The following CHERP variants were observed in gnomAD, a reference collection of about 807,000 sequenced individuals.
CHERP encodes the protein ERPROT 213-21.
CHERP carries 8 observed loss-of-function variants against 113.8 expected under a neutral mutation model. The ratio of observed to expected loss-of-function variants is 0.07; its 90% CI spans 0.04 to 0.13. The LOEUF is 0.13. Ranked by LOEUF, CHERP falls within the 10% of genes least tolerant of loss-of-function variation. The probability of loss-of-function intolerance (pLI) is 1.00; values close to 1 mark genes in which losing one functional copy is unlikely to be tolerated. For synonymous variants in CHERP, 559 were observed against 524.5 expected (o/e 1.07, Z -0.90); for missense variants, 884 against 1,298.2 (o/e 0.68, Z 4.90).
At position 16,525,848 on chromosome 19, in the gene CHERP, C is replaced by G. The variant is rs1165438873; in HGVS notation, c.1306-171G>C. Among the ~76,000 whole-genome samples, 1 of 152,002 alleles carries G rather than the reference C, an allele frequency of 6.6e-6. No homozygotes were observed. On this transcript the variant is annotated intron_variant, in intron 9 of 16. Coordinates refer to ENST00000546361, the MANE Select transcript of CHERP (RefSeq NM_006387.6). The surrounding 1 kb of genome is among the most constrained non-coding windows in gnomAD (Gnocchi z 6.5). ...TGCGAGGATGCTGGGCACCTGCTCT[C>G]AGCCCGCACCACATGCTGCTGCAAA...
chr19:16,519,303 G>A lies in CHERP; in HGVS notation c.2607C>T (p.Asp869=), dbSNP rs550333603. 6.2e-7 allele frequency: 1 copy of A among 1,613,844 alleles called. No homozygotes were observed. Among genetic ancestry groups the A allele is most frequent in the Non-Finnish European group, 8.5e-7 (1 of 1,180,008 alleles). ...GLGAKEQGIQ[D]PIKGGDVRDK... is the part of the protein sequence containing the mutation. ...CCCGGACGTCCCCGCCCTTGATGGG[G>A]TCCTGGATCCCTTGCTCCTTCGCAC... The change falls in exon 17 of 17, where the codon GAC becomes GAT. Residue 869 remains aspartate (D), a synonymous_variant. Coordinates refer to ENST00000546361, the MANE Select transcript of CHERP (RefSeq NM_006387.6). This position sits in a 1 kb window ranked among gnomAD's most constrained non-coding sequence, Gnocchi z 6.0.
intron 2 of CHERP, among the ~76,000 whole-genome samples, chr19:16,540,222 C>A (rs560438966): frequency 2.6e-5 from 4 of 151,738 alleles, no homozygotes; most frequent in Non-Finnish European, 4.4e-5. Flanking sequence ...CACCACCATG[C>A]CTGGCTAATT....
chr19:16,525,098 C>G lies in CHERP; in HGVS notation c.1741+144G>C. 1.3e-6 allele frequency: 1 copy of G among 768,708 alleles called. No individual in the cohort carries two copies. Among genetic ancestry groups the G allele is most frequent in the Non-Finnish European group, 1.8e-6 (1 of 550,756 alleles). The allele number at this position is 768,708 out of a possible 1,614,324, so 47.6% of individuals were successfully genotyped here. On this transcript the variant is annotated intron_variant, in intron 10 of 16. Coordinates refer to ENST00000546361, the MANE Select transcript of CHERP (RefSeq NM_006387.6). This position sits in a 1 kb window ranked among gnomAD's most constrained non-coding sequence, Gnocchi z 6.5. ...GCCCCCACTTCCTGAGAACCCAGGCCGGGCTCCTCGGACGTCCCATGACCC... is the reference window on the plus strand; with the variant it reads ...GCCCCCACTTCCTGAGAACCCAGGCGGGGCTCCTCGGACGTCCCATGACCC...
rs1280781098 is a variant in CHERP at position 16,525,627 on chromosome 19, G to A, written c.1356C>T (p.Cys452=). The change falls in exon 10 of 17, where the codon TGC becomes TGT. Residue 452 remains cysteine (C), a synonymous_variant. Coordinates refer to ENST00000546361, the MANE Select transcript of CHERP (RefSeq NM_006387.6). The surrounding 1 kb of genome is among the most constrained non-coding windows in gnomAD (Gnocchi z 6.5). ...YPHHQGGPPH[C]PPWNNSHEGM... is the part of the protein sequence containing the mutation. The stretch of plus-strand genomic sequence containing the variant: ...CCTCATGGCTGTTGTTCCAGGGGGG[G>A]CAGTGGGGTGGGCCGCCCTGGTGGT... The A allele has an allele frequency of 1.3e-6, 2 of 1,531,494 alleles. No individual in the cohort carries two copies. Among genetic ancestry groups the A allele is most frequent in the African/African-American group, 1.4e-5 (1 of 72,682 alleles). 94.9% of individuals were successfully genotyped at this position (1,531,494 alleles called of 1,614,324 possible).
At chr19:16,542,275 G>A in intron 1 of CHERP, 79 bp downstream of exon 1, 1 of 1,272,430 alleles carries the variant, frequency 7.9e-7, no homozygotes, top group Non-Finnish European at 1.0e-6. Context: ...TCCCAGACCC[G>A]GGGACTCCGG....
rs1291256334 is a variant in CHERP, at chr19:16,518,237, T to TG, written c.*921dup. ...CCTTCGGGGGTGTGAAATGAAATGA[T>TG]GGAGTGGAAGGCGCTGGCTGGGGTC... On this transcript the variant is annotated 3_prime_UTR_variant, in exon 17 of 17. Transcript: ENST00000546361. 1.3e-5 allele frequency: 2 copies of TG among 151,874 alleles called. No individual in the cohort carries two copies. Among genetic ancestry groups the TG allele is most frequent in the East Asian group, 1.9e-4 (1 of 5,164 alleles). The allele number at this position is 151,874 out of a possible 1,614,324, so 9.4% of individuals were successfully genotyped here. A position where few individuals can be genotyped will look rare whatever the true frequency, so the allele number is the denominator to read the frequency against.
Position 16,523,186 on chromosome 19 carries a change from G to A in CHERP, c.1846C>T (p.Pro616Ser). 1 of 1,576,008 alleles carries A rather than the reference G, an allele frequency of 6.3e-7. No homozygotes were observed. Among genetic ancestry groups the A allele is most frequent in the Non-Finnish European group, 8.6e-7 (1 of 1,164,270 alleles). Residue 616 changes from proline (P) to serine (S), a missense_variant, in exon 11 of 17, where the codon CCC (proline) becomes TCC (serine). Pro to Ser is a moderately conservative substitution (Grantham distance 74, BLOSUM62 -1). Around this residue, in one of 8 missense-constraint regions of CHERP, gnomAD observed 464 missense variants for 590.1 expected, o/e 0.79. Transcript: ENST00000546361. The surrounding 1 kb of genome is among the most constrained non-coding windows in gnomAD (Gnocchi z 4.0). ...GGGGGCTGCCCGTTGAAGCCATGGG[G>A]GGGAGGGCCGAAGTCAGGGTGCTGG... ...GPQHPDFGPP[P>S]HGFNGQPPHM...
At chr19:16,539,337 C>T (rs936073415) in intron 2 of CHERP, among the ~76,000 whole-genome samples, 4 of 151,660 alleles carry the variant, frequency 2.6e-5, no homozygotes, top group Non-Finnish European at 4.4e-5. Flanking sequence ...TTAGTAGAGA[C>T]GGGGTTTCAC....
In CHERP at chr19:16,519,361, A is replaced by G. The variant is rs772491306; in HGVS notation, c.2558-9T>C. 3.7e-6 allele frequency: 6 copies of G among 1,608,260 alleles called. No homozygotes were observed. The Admixed American group carries it at 1.0e-4, about 27-fold the overall frequency. ...GCCTGAGCCGCTCCAGCCTGGAAACAGAGACGCAGTCACAACCACAACAAG... is the reference window on the plus strand; with the variant it reads ...GCCTGAGCCGCTCCAGCCTGGAAACGGAGACGCAGTCACAACCACAACAAG... On this transcript the variant is annotated splice_polypyrimidine_tract_variant and intron_variant, in intron 16 of 16. Coordinates refer to ENST00000546361, the MANE Select transcript of CHERP (RefSeq NM_006387.6). This position sits in a 1 kb window ranked among gnomAD's most constrained non-coding sequence, Gnocchi z 6.0.
chr19:16,525,261 G>A lies in CHERP; in HGVS notation c.1722C>T (p.Pro574=). The change falls in exon 10 of 17, where the codon CCC becomes CCT. Residue 574 remains proline, a synonymous_variant. Coordinates refer to ENST00000546361, the MANE Select transcript of CHERP (RefSeq NM_006387.6). The surrounding 1 kb of genome is among the most constrained non-coding windows in gnomAD (Gnocchi z 6.5). ...RPPYPHRFDY[P]QGDFPAEMGP... ...ACTCACCGGCAGGGAAGTCCCCCTGGGGGTAGTCGAAGCGGTGGGGATAGG... is the reference window on the plus strand; with the variant it reads ...ACTCACCGGCAGGGAAGTCCCCCTGAGGGTAGTCGAAGCGGTGGGGATAGG... The A allele has an allele frequency of 7.0e-7, 1 of 1,433,026 alleles. No individual in the cohort carries two copies. The highest frequency in any genetic ancestry group is 9.2e-7 in the Non-Finnish European group (1 of 1,091,416). 88.8% of individuals were successfully genotyped at this position (1,433,026 alleles called of 1,614,324 possible).
Position 16,523,372 on chromosome 19 carries a change from G to A in CHERP, c.1742-82C>T. 1 of 1,528,682 alleles carries A rather than the reference G, an allele frequency of 6.5e-7. No individual in the cohort carries two copies. The highest frequency in any genetic ancestry group is 1.2e-5 in the South Asian group (1 of 86,134). 94.7% of individuals were successfully genotyped at this position (1,528,682 alleles called of 1,614,324 possible). On this transcript the variant is annotated intron_variant, in intron 10 of 16. Coordinates refer to ENST00000546361, the MANE Select transcript of CHERP (RefSeq NM_006387.6). The surrounding 1 kb of genome is among the most constrained non-coding windows in gnomAD (Gnocchi z 4.0). ...AAGTGCTGGAGGGGAGGGGCTCAGT[G>A]AAGGGCCAGGAGACGAACCCCTCCT...
intron 3 of CHERP, among the ~76,000 whole-genome samples, chr19:16,534,137 G>A (rs971550365): frequency 6.7e-6 from 1 of 149,028 alleles, no homozygotes; most frequent in African/African-American, 2.5e-5. Flanking sequence ...CACTGCAACC[G>A]CCACTTCCCG....
In CHERP at chr19:16,535,428, G is replaced by C; in HGVS notation, c.384+24C>G. The C allele has an allele frequency of 6.2e-7, 1 of 1,600,290 alleles. No homozygotes were observed. Among genetic ancestry groups the C allele is most frequent in the East Asian group, 2.3e-5 (1 of 44,246 alleles). On this transcript the variant is annotated intron_variant, in intron 3 of 16. Coordinates refer to ENST00000546361, the MANE Select transcript of CHERP (RefSeq NM_006387.6). The surrounding 1 kb of genome is among the most constrained non-coding windows in gnomAD (Gnocchi z 4.3). ...GGCACAGGGGAGCTGCTGGTGTCTG[G>C]CCGAGGAGGCGGCGGGCCCATACCT...
At chr19:16,526,597 A>G (rs2085659120) in intron 9 of CHERP, among the ~76,000 whole-genome samples, 1 of 151,544 alleles carries the variant, frequency 6.6e-6, no homozygotes, top group South Asian at 2.1e-4. Flanking sequence ...CTTCTCGAGT[A>G]GCTGGGATTA....
At chr19:16,521,458 T>TCC in intron 12 of CHERP, 63 bp downstream of exon 12, 1 of 1,445,692 alleles carries the variant, frequency 6.9e-7, no homozygotes, top group Non-Finnish European at 9.1e-7. Flanking sequence ...GAAGGTGTGG[T>TCC]TGCAGGGAGC....
rs1455726940 is a variant in CHERP at position 16,535,983 on chromosome 19, C to T, written c.200-347G>A. Among the ~76,000 whole-genome samples, 1 of 152,214 alleles carries T rather than the reference C, an allele frequency of 6.6e-6. No homozygotes were observed. Among genetic ancestry groups the T allele is most frequent in the Non-Finnish European group, 1.5e-5 (1 of 68,034 alleles). On this transcript the variant is annotated intron_variant, in intron 2 of 16. Transcript: ENST00000546361. This position sits in a 1 kb window ranked among gnomAD's most constrained non-coding sequence, Gnocchi z 4.3. ...ACCTCCTCACCCACCTAGGCCCCAC[C>T]TGATGCAGAACCCAGGCCTCAGTAC... is the stretch of plus-strand genomic sequence containing the variant.
chr19:16,535,240 G>T lies in CHERP; in HGVS notation c.384+212C>A, dbSNP rs1284366701. ...GGGGGTCCACCCCAGGGTGATGGGTGCACGCACGTCCAGTGGCTTCACTGA... is the reference window on the plus strand; with the variant it reads ...GGGGGTCCACCCCAGGGTGATGGGTTCACGCACGTCCAGTGGCTTCACTGA... On this transcript the variant is annotated intron_variant, in intron 3 of 16. Transcript: ENST00000546361. The surrounding 1 kb of genome is among the most constrained non-coding windows in gnomAD (Gnocchi z 4.3). 6.6e-6 allele frequency among the ~76,000 whole-genome samples: 1 copy of T among 152,248 alleles called. No individual in the cohort carries two copies. The highest frequency in any genetic ancestry group is 2.4e-5 in the African/African-American group (1 of 41,472).
At chr19:16,531,075 A>G (rs2085699649) in intron 5 of CHERP, among the ~76,000 whole-genome samples, 195 bp from the exon 6 acceptor site, 1 of 152,118 alleles carries the variant, frequency 6.6e-6, no homozygotes. Flanking sequence ...ATGGAAAAAC[A>G]GCAAGCAGGG....
chr19:16,519,824 G>A lies in CHERP; in HGVS notation c.2463-109C>T, dbSNP rs981327884. On this transcript the variant is annotated intron_variant, in intron 15 of 16. Coordinates refer to ENST00000546361, the MANE Select transcript of CHERP (RefSeq NM_006387.6). The surrounding 1 kb of genome is among the most constrained non-coding windows in gnomAD (Gnocchi z 6.0). ...CTTGCGTGCATGCTCACTGTCACCA[G>A]GTGACACCGTATGCAGATTTTGCGT... 4.2e-6 allele frequency: 4 copies of A among 959,788 alleles called. No individual in the cohort carries two copies. The African/African-American group carries it at 6.4e-5, about 15-fold the overall frequency. 59.5% of individuals were successfully genotyped at this position (959,788 alleles called of 1,614,324 possible). A position where few individuals can be genotyped will look rare whatever the true frequency, so the allele number is the denominator to read the frequency against.
Sources: gnomAD v4.1 joint callset for allele counts (sites outside exome capture counted in the v4.1 genomes callset) on GRCh38, gnomAD v4.1.1 for gene constraint, gnomAD v4.1.1 regional missense constraint, Gnocchi (gnomAD v3.1) non-coding constraint, MANE v1.5 for transcripts, NCBI Gene and HGNC (gene_info 2026-07-23, HGNC 2026-07-21) for gene names.